Variants in MCM3 observed in about 807,000 individuals in gnomAD.
The protein encoded by MCM3 is minichromosome maintenance complex component 3.
Under a neutral mutation model 91.3 loss-of-function variants are expected in MCM3, and 59 were observed. The ratio of observed to expected loss-of-function variants is 0.65; its 90% CI spans 0.52 to 0.80. The LOEUF (loss-of-function observed/expected upper bound fraction) is 0.80. Among genes scored for constraint, MCM3 ranks in the 30% least tolerant of loss-of-function variants. MCM3 has a pLI of 0.00. For missense variants in MCM3, 919 were observed against 1,035.4 expected (o/e 0.89, Z 1.54); for synonymous variants, 383 against 379.6 (o/e 1.01, Z -0.10).
chr6:52,271,039 C>G (rs1368147033), intron 12 of MCM3, among the ~76,000 whole-genome samples: 1 of 151,986 alleles, frequency 6.6e-6, no homozygotes, highest in Non-Finnish European at 1.5e-5. Context: ...AGTGAAACCC[C>G]GTCTCTACTA....
intron 2 of MCM3, 43 bp from the exon 3 acceptor site, chr6:52,282,904 T>A (rs1161332537): frequency 7.0e-6 from 10 of 1,435,978 alleles, no homozygotes; most frequent in Admixed American, 5.6e-5. Flanking sequence ...TGGGCAGAAC[T>A]CAAAAAAATG....
At chr6:52,283,798 A>G (rs141392590) in intron 1 of MCM3, among the ~76,000 whole-genome samples, 171 of 152,398 alleles carry the variant, frequency 1.1e-3, no homozygotes, top group Middle Eastern at 6.8e-3. Flanking sequence ...CAACGTGAAT[A>G]GATGGATATG....
chr6:52,274,436 T>C (rs1408077135), intron 9 of MCM3, among the ~76,000 whole-genome samples: 1 of 152,110 alleles, frequency 6.6e-6, no homozygotes, highest in African/African-American at 2.4e-5. Flanking sequence ...TCCCAGCACT[T>C]TGGGAGTCTG....
chr6:52,281,161 A>T (rs965525799), intron 4 of MCM3, among the ~76,000 whole-genome samples: 46 of 152,234 alleles, frequency 3.0e-4, no homozygotes, highest in African/African-American at 1.1e-3. Context: ...CTCAATCCAG[A>T]TCAATCTGAA....
Position 52,284,708 on chromosome 6 carries a change from G to T in MCM3, c.-34C>A, listed in dbSNP as rs1043318200. The T allele has an allele frequency of 1.9e-6, 3 of 1,589,446 alleles. No individual in the cohort carries two copies. Among genetic ancestry groups the T allele is most frequent in the East Asian group, 4.6e-5 (2 of 43,754 alleles). ...CCAAAGAACTACCTCCACCAAAGTC[G>T]CGTGGAGGTTCCCAGGATGACTCCA... On this transcript the variant is annotated 5_prime_UTR_variant, in exon 1 of 17. Coordinates refer to ENST00000596288, the MANE Select transcript of MCM3 (RefSeq NM_002388.6).
intron 9 of MCM3, chr6:52,276,041 G>C (rs1342514949): frequency 3.7e-6 from 2 of 542,492 alleles, no homozygotes; most frequent in Admixed American, 3.3e-5. Context: ...CTGTTTAACT[G>C]TACTGTTAAA....
At chr6:52,265,785 T>TA (rs1764597293) in intron 16 of MCM3, among the ~76,000 whole-genome samples, 1 of 152,122 alleles carries the variant, frequency 6.6e-6, no homozygotes, top group Non-Finnish European at 1.5e-5. Flanking sequence ...AGTAAGACAT[T>TA]AAGTTTTATC....
At position 52,283,969 on chromosome 6, in the gene MCM3, T is replaced by C. The variant is rs139277744; in HGVS notation, c.79-563A>G. Among the ~76,000 whole-genome samples, 74 of 152,340 alleles carry C rather than the reference T, an allele frequency of 4.9e-4. No individual in the cohort carries two copies. In the East Asian group the frequency reaches 0.013, roughly 27 times the overall value. On this transcript the variant is annotated intron_variant, in intron 1 of 16. Transcript: ENST00000596288. ...GTAATATTTTTTCCAATCATCTCTA[T>C]AATACGGAAAGGGTTCTCATACCCC...
chr6:52,273,477 T>G, intron 10 of MCM3, 121 bp from the exon 11 acceptor site: 18 of 953,922 alleles, frequency 1.9e-5, no homozygotes, highest in Non-Finnish European at 2.7e-5. Context: ...CCAAAAAGAA[T>G]CAGACACATG....
rs1581720056 is a variant in MCM3, at chr6:52,272,387, C to T, written c.1741G>A (p.Val581Ile). The T allele has an allele frequency of 6.2e-7, 1 of 1,614,174 alleles. No individual in the cohort carries two copies. The highest frequency in any genetic ancestry group is 8.5e-7 in the Non-Finnish European group (1 of 1,180,044). ...TAGGTGGCCGACTCCTGTGTCAGGA[C>T]AGGCTTGATGATTTTGGCCACATGG... ...YIHVAKIIKP[V>I]LTQESATYIA... The change falls in exon 12 of 17, where the codon GTC becomes ATC. Residue 581 changes from valine to isoleucine, a missense_variant. This residue lies in a region of MCM3 where 285 missense variants were observed against 311.4 expected (regional missense o/e 0.92). Coordinates refer to ENST00000596288, the MANE Select transcript of MCM3 (RefSeq NM_002388.6).
chr6:52,277,013 G>C (rs1362560496), intron 8 of MCM3, 54 bp downstream of exon 8: 66 of 1,578,654 alleles, frequency 4.2e-5, no homozygotes, highest in Non-Finnish European at 3.4e-5. Flanking sequence ...GCACACAAAG[G>C]ATCTATGCTC....
chr6:52,269,301 A>C, intron 12 of MCM3, 75 bp from the exon 13 acceptor site: 1 of 1,468,316 alleles, frequency 6.8e-7, no homozygotes, highest in Non-Finnish European at 9.3e-7. Context: ...ACAGAAAGGG[A>C]AATGACACTA....
intron 7 of MCM3, 25 bp from the exon 8 acceptor site, chr6:52,277,223 T>G (rs749121903): frequency 1.1e-5 from 17 of 1,603,940 alleles, no homozygotes; most frequent in Non-Finnish European, 1.4e-5. Context: ...CAGTGATGAC[T>G]CTCTAGGAAA....
rs17240063 is a variant in MCM3, at chr6:52,272,360, T to C, written c.1768A>G (p.Ile590Val). The C allele has an allele frequency of 1.2e-5, 20 of 1,614,106 alleles. No homozygotes were observed. Among genetic ancestry groups the C allele is most frequent in the Non-Finnish European group, 1.5e-5 (18 of 1,180,054 alleles). ...PVLTQESATY[I>V]AEEYSRLRSQ... ...CGCAGGCGTGAATACTCTTCTGCAA[T>C]GTAGGTGGCCGACTCCTGTGTCAGG... Residue 590 changes from isoleucine to valine, a missense_variant, in exon 12 of 17, where the codon ATT becomes GTT. Coordinates refer to ENST00000596288, the MANE Select transcript of MCM3 (RefSeq NM_002388.6).
At chr6:52,268,939 A>G in intron 13 of MCM3, 147 bp downstream of exon 13, 2 of 798,582 alleles carry the variant, frequency 2.5e-6, no homozygotes, top group Non-Finnish European at 3.9e-6. Flanking sequence ...TTTCAGAGGA[A>G]AGAGTGAGGC....
chr6:52,276,956 C>G, intron 8 of MCM3, 111 bp downstream of exon 8: 1 of 1,317,252 alleles, frequency 7.6e-7, no homozygotes, highest in Middle Eastern at 1.9e-4. Context: ...CCTCTATAAT[C>G]TGGACCCAAC....
chr6:52,274,616 G>A (rs1185258372), intron 9 of MCM3, among the ~76,000 whole-genome samples: 4 of 151,872 alleles, frequency 2.6e-5, no homozygotes, highest in African/African-American at 4.8e-5. Flanking sequence ...TGAGCCCAGG[G>A]AGGTCGAGGC....
In MCM3 at chr6:52,277,708, T is replaced by A. The variant is rs367698587; in HGVS notation, c.880-20A>T. On this transcript the variant is annotated intron_variant, in intron 6 of 16. Transcript: ENST00000596288. ...GATATCCTACAGGAGAAATAACCAA[T>A]GGCAAGCCTAGTGAGATTCAATGGG... is the stretch of plus-strand genomic sequence containing the variant. 5.0e-6 allele frequency: 8 copies of A among 1,612,032 alleles called. No individual in the cohort carries two copies. The Admixed American group carries it at 1.3e-4, about 27-fold the overall frequency.
chr6:52,269,160 G>A lies in MCM3; in HGVS notation c.1894C>T (p.Arg632Cys), dbSNP rs771932561. 20 of 1,613,852 alleles carry A rather than the reference G, an allele frequency of 1.2e-5. No homozygotes were observed. The highest frequency in any genetic ancestry group is 7.7e-5 in the South Asian group (7 of 91,060). The change falls in exon 13 of 17, where the codon CGC becomes TGC. Residue 632 changes from arginine (R) to cysteine (C), a missense_variant. Arg to Cys is a radical substitution (Grantham distance 180). Transcript: ENST00000596288. ...IRLATAHAKA[R>C]MSKTVDLQDA... ...TGCAGGTCCACAGTCTTGCTCATGC[G>A]GGCCTTCGCATGGGCTGTGGCCAGT...
Sources: gnomAD v4.1 joint callset for allele counts (sites outside exome capture counted in the v4.1 genomes callset) on GRCh38, gnomAD v4.1.1 for gene constraint, gnomAD v4.1.1 regional missense constraint, MANE v1.5 for transcripts, NCBI Gene and HGNC (gene_info 2026-07-23, HGNC 2026-07-21) for gene names.